The following STYXL1 variants were observed in gnomAD, a reference collection of about 807,000 sequenced individuals.
The protein encoded by STYXL1 is serine/threonine/tyrosine-interacting-like protein 1.
In STYXL1, 32 loss-of-function variants were observed where a neutral mutation model predicts 36.4. The ratio of observed to expected loss-of-function variants is 0.88; its 90% CI spans 0.66 to 1.18. STYXL1 has a LOEUF of 1.18. Ranked by LOEUF, STYXL1 falls within the 50% of genes most tolerant of loss-of-function variation. STYXL1 has a pLI of 0.00. For synonymous variants in STYXL1, 133 were observed against 144.1 expected (o/e 0.92, Z 0.55); for missense variants, 354 against 394.1 (o/e 0.90, Z 0.86).
intron 1 of STYXL1, among the ~76,000 whole-genome samples, chr7:76,037,427 G>A (rs1245941337): frequency 6.7e-6 from 1 of 150,168 alleles, no homozygotes; most frequent in Non-Finnish European, 1.5e-5. Flanking sequence ...GTTGGGCTGG[G>A]AAGCTCCCCT....
chr7:76,025,313 T>A (rs1427417300), intron 3 of STYXL1, among the ~76,000 whole-genome samples: 1 of 148,406 alleles, frequency 6.7e-6, no homozygotes, highest in African/African-American at 2.5e-5. Flanking sequence ...AAAATAAAAA[T>A]AAAAATTAAA....
chr7:76,030,331 C>A (rs1795187245), intron 2 of STYXL1, 90 bp downstream of exon 2: 1 of 956,150 alleles, frequency 1.0e-6, no homozygotes, highest in Non-Finnish European at 1.7e-6. Flanking sequence ...ATTCACTGCC[C>A]CCCACCCCGC....
At position 76,031,331 on chromosome 7, in the gene STYXL1, CAAAAAAAAAAAAA is replaced by C. The variant is rs60550486; in HGVS notation, c.-4-817_-4-805del. 1.4e-4 allele frequency among the ~76,000 whole-genome samples: 6 copies of C among 42,304 alleles called. No homozygotes were observed. In the East Asian group the frequency reaches 5.3e-3, roughly 37 times the overall value. The allele number at this position is 42,304 out of a possible 152,430, so 27.8% of individuals were successfully genotyped here. A position where few individuals can be genotyped will look rare whatever the true frequency, so the allele number is the denominator to read the frequency against. Reference sequence around the variant, plus strand: ...GGGGGACAGAGTGAGACTCTGTCTCCAAAAAAAAAAAAAAAAAAAAAAAAAAAGTAATATATTG... The same window carrying C: ...GGGGGACAGAGTGAGACTCTGTCTCCAAAAAAAAAAAAAAGTAATATATTG... On this transcript the variant is annotated intron_variant, in intron 1 of 8. Coordinates refer to ENST00000359697, the MANE Select transcript of STYXL1 (RefSeq NM_001317785.2).
intron 3 of STYXL1, among the ~76,000 whole-genome samples, chr7:76,022,926 CA>C (rs1233717297): frequency 6.6e-6 from 1 of 151,256 alleles, no homozygotes; most frequent in Non-Finnish European, 1.5e-5. Flanking sequence ...GACTATGTCC[CA>C]AAAAAACAAA....
chr7:76,042,560 C>T (rs887568583), intron 1 of STYXL1, among the ~76,000 whole-genome samples: 1 of 151,500 alleles, frequency 6.6e-6, no homozygotes, highest in East Asian at 1.9e-4. Flanking sequence ...CGCACTGCCA[C>T]CTCTCCCGGC....
intron 1 of STYXL1, among the ~76,000 whole-genome samples, chr7:76,039,085 G>A (rs1260644663): frequency 7.4e-5 from 11 of 148,596 alleles, no homozygotes; most frequent in Admixed American, 1.3e-4. Flanking sequence ...CTACAGGCAT[G>A]TGCCACCATT....
intron 3 of STYXL1, among the ~76,000 whole-genome samples, 200 bp downstream of exon 3, chr7:76,028,442 G>T (rs1332705292): frequency 6.6e-6 from 1 of 152,186 alleles, no homozygotes; most frequent in Non-Finnish European, 1.5e-5. Context: ...TTGTCTAATG[G>T]AGTTGTTGAC....
At chr7:76,002,452 T>C (rs763595889) in intron 7 of STYXL1, among the ~76,000 whole-genome samples, 17 of 152,300 alleles carry the variant, frequency 1.1e-4, no homozygotes, top group Non-Finnish European at 2.4e-4. Flanking sequence ...CCTCACCATC[T>C]GAATAAAGGA....
intron 4 of STYXL1, among the ~76,000 whole-genome samples, chr7:76,020,320 T>TGTGAG (rs1413691231): frequency 6.6e-6 from 1 of 152,170 alleles, no homozygotes; most frequent in Non-Finnish European, 1.5e-5. Flanking sequence ...TGGCAGTTGG[T>TGTGAG]GTGAGTGCCC....
chr7:76,009,655 C>T (rs1792313073), intron 5 of STYXL1, among the ~76,000 whole-genome samples: 1 of 152,194 alleles, frequency 6.6e-6, no homozygotes, highest in South Asian at 2.1e-4. Flanking sequence ...GTGATCCGCC[C>T]GCCTTGGCCT....
At chr7:76,031,566 T>C (rs567738860) in intron 1 of STYXL1, among the ~76,000 whole-genome samples, 1 of 150,792 alleles carries the variant, frequency 6.6e-6, no homozygotes, top group Non-Finnish European at 1.5e-5. Context: ...AATACAAAAA[T>C]TACCTGGGAA....
chr7:76,020,928 C>T (rs1793977534), intron 4 of STYXL1, among the ~76,000 whole-genome samples: 2 of 152,144 alleles, frequency 1.3e-5, no homozygotes, highest in Admixed American at 1.3e-4. Flanking sequence ...TTTGTGAAAT[C>T]AGCAAAGAAG....
chr7:75,999,499 G>A (rs1563455707), intron 8 of STYXL1, among the ~76,000 whole-genome samples: 1 of 79,800 alleles, frequency 1.3e-5, no homozygotes, highest in African/African-American at 5.2e-5. Flanking sequence ...TGTTGTGTGT[G>A]TGTGTGTGTG....
chr7:76,010,222 T>C (rs1225289310), intron 5 of STYXL1, among the ~76,000 whole-genome samples: 4 of 151,708 alleles, frequency 2.6e-5, no homozygotes, highest in Non-Finnish European at 5.9e-5. Context: ...GGCTGGAACA[T>C]TAAACTGCCC....
At chr7:76,003,990 C>A (rs1428445948) in intron 6 of STYXL1, 135 bp from the exon 7 acceptor site, 3 of 706,880 alleles carry the variant, frequency 4.2e-6, no homozygotes, top group Non-Finnish European at 7.1e-6. Flanking sequence ...ACAGGTAACT[C>A]AACCTCTCCT....
intron 1 of STYXL1, among the ~76,000 whole-genome samples, chr7:76,038,949 A>ATT (rs35639363): frequency 0.57 from 72,697 of 127,778 alleles, 23,204 homozygotes; most frequent in Non-Finnish European, 0.7. Flanking sequence ...ATCATGCCTA[A>ATT]TTTTTTTTTT....
At chr7:76,007,627 G>T (rs868994095) in intron 5 of STYXL1, among the ~76,000 whole-genome samples, 6 of 151,812 alleles carry the variant, frequency 4.0e-5, no homozygotes, top group Admixed American at 1.3e-4. Flanking sequence ...GCAATCAAAG[G>T]TTCAAAGAAG....
chr7:76,005,887 A>AG (rs1477191759), intron 5 of STYXL1, among the ~76,000 whole-genome samples: 2 of 91,928 alleles, frequency 2.2e-5, no homozygotes, highest in African/African-American at 8.3e-5. Flanking sequence ...AGGAGAGAGG[A>AG]GGAGGAGGAG....
intron 4 of STYXL1, among the ~76,000 whole-genome samples, chr7:76,017,580 A>G (rs1477581110): frequency 1.3e-5 from 2 of 151,834 alleles, no homozygotes; most frequent in South Asian, 4.2e-4. Flanking sequence ...AGAGAGGGAC[A>G]GGGGTTGAAA....
Sources: allele counts gnomAD v4.1 joint callset (sites outside exome capture counted in the v4.1 genomes callset), GRCh38; gene constraint gnomAD v4.1.1; transcripts MANE v1.5; gene names NCBI Gene and HGNC (gene_info 2026-07-23, HGNC 2026-07-21).